Variants in TTPA observed in about 807,000 individuals in gnomAD.
The protein encoded by TTPA is alpha-tocopherol transfer protein.
TTPA carries 23 observed loss-of-function variants against 25.9 expected under a neutral mutation model. The ratio of observed to expected loss-of-function variants is 0.89; its 90% CI spans 0.64 to 1.26. The LOEUF is 1.26. TTPA is among the 50% of genes most tolerant of loss of function. The pLI, the probability that TTPA is intolerant of heterozygous loss-of-function variation, is 0.00. For synonymous variants in TTPA, 148 were observed against 137.3 expected (o/e 1.08, Z -0.54); for missense variants, 337 against 353.1 (o/e 0.95, Z 0.37).
intron 1 of TTPA, among the ~76,000 whole-genome samples, chr8:63,077,278 G>C (rs1400222033): frequency 6.6e-6 from 1 of 152,202 alleles, no homozygotes; most frequent in Non-Finnish European, 1.5e-5. Flanking sequence ...GTTTCCAACT[G>C]AGGTACCTGG....
chr8:63,081,850 G>T (rs1311654023), intron 1 of TTPA, among the ~76,000 whole-genome samples: 1 of 152,080 alleles, frequency 6.6e-6, no homozygotes, highest in Non-Finnish European at 1.5e-5. Flanking sequence ...ACCAATAACG[G>T]ACAAACAGAG....
intron 2 of TTPA, among the ~76,000 whole-genome samples, chr8:63,067,785 C>T (rs1805420348): frequency 6.6e-6 from 1 of 152,100 alleles, no homozygotes; most frequent in Non-Finnish European, 1.5e-5. Context: ...CCTCTCTTGT[C>T]ATCTCCAGTG....
chr8:63,078,600 C>T (rs749173804), intron 1 of TTPA, among the ~76,000 whole-genome samples: 1 of 151,870 alleles, frequency 6.6e-6, no homozygotes, highest in Non-Finnish European at 1.5e-5. Flanking sequence ...GATTAAAGAT[C>T]AAATTAATAA....
At chr8:63,058,432 C>T (rs966816312), downstream of TTPA, among the ~76,000 whole-genome samples, 5 of 152,094 alleles carry the variant, frequency 3.3e-5, no homozygotes, top group African/African-American at 7.2e-5. Context: ...TGTTTATTTT[C>T]TTTCAAACAA....
At chr8:63,082,542 G>A (rs895491886) in intron 1 of TTPA, among the ~76,000 whole-genome samples, 4 of 152,288 alleles carry the variant, frequency 2.6e-5, no homozygotes, top group African/African-American at 9.6e-5. Context: ...AAAAACCCTA[G>A]AAGAAAACCT....
At chr8:63,079,838 G>A (rs1417153733) in intron 1 of TTPA, among the ~76,000 whole-genome samples, 3 of 152,038 alleles carry the variant, frequency 2.0e-5, no homozygotes, top group Non-Finnish European at 4.4e-5. Flanking sequence ...CATCTACAGC[G>A]CTCTCCACCC....
At chr8:63,081,655 G>C (rs1805665655) in intron 1 of TTPA, among the ~76,000 whole-genome samples, 2 of 152,142 alleles carry the variant, frequency 1.3e-5, no homozygotes, top group Admixed American at 6.5e-5. Flanking sequence ...AATCAGGCAA[G>C]AGAAAGAAAT....
intron 1 of TTPA, among the ~76,000 whole-genome samples, chr8:63,084,842 A>G (rs569035583): frequency 6.6e-6 from 1 of 152,336 alleles, no homozygotes; most frequent in East Asian, 1.9e-4. Flanking sequence ...GTCTCTATGG[A>G]GTAGCCATTC....
rs1478270967 is a variant in TTPA, at chr8:63,081,374, G to A, written c.204+4444C>T. On this transcript the variant is annotated intron_variant, in intron 1 of 4. Coordinates refer to ENST00000260116, the MANE Select transcript of TTPA (RefSeq NM_000370.3). ...ATAAATGTAATCCATCAGATAAACA[G>A]AATCAATGACAAAAACCACATGATT... Among the ~76,000 whole-genome samples, 5 of 152,164 alleles carry A rather than the reference G, an allele frequency of 3.3e-5. No homozygotes were observed. The East Asian group carries it at 9.7e-4, about 29-fold the overall frequency.
intron 1 of TTPA, among the ~76,000 whole-genome samples, chr8:63,081,041 C>T (rs564947811): frequency 6.7e-6 from 1 of 149,602 alleles, no homozygotes; most frequent in East Asian, 2.0e-4. Flanking sequence ...GACCGATTAA[C>T]AGACAAATTC....
At chr8:63,076,439 T>C (rs1805563417) in intron 1 of TTPA, among the ~76,000 whole-genome samples, 1 of 152,084 alleles carries the variant, frequency 6.6e-6, no homozygotes, top group South Asian at 2.1e-4. Flanking sequence ...TGAAAAAAAG[T>C]TTTGCACTCT....
intron 2 of TTPA, among the ~76,000 whole-genome samples, chr8:63,069,181 CA>C (rs1463622146): frequency 3.3e-5 from 5 of 150,872 alleles, no homozygotes; most frequent in Non-Finnish European, 7.4e-5. Flanking sequence ...CAAAACAAAA[CA>C]AAAAAACAAG....
In TTPA at chr8:63,061,458, G is replaced by A. The variant is rs34766023; in HGVS notation, c.664-33C>T. 35,379 of 1,593,348 alleles carry A rather than the reference G, an allele frequency of 0.022. 536 individuals carry two copies. The highest frequency in any genetic ancestry group is 0.027 in the South Asian group (2,423 of 90,428). On this transcript the variant is annotated intron_variant, in intron 4 of 4. Transcript: ENST00000260116. Reference sequence around the variant, plus strand: ...AGCCAAAACACTTTAGAAGGAAACCGCATTAGATGCATTTCCAGTGGAAAA... The same window carrying A: ...AGCCAAAACACTTTAGAAGGAAACCACATTAGATGCATTTCCAGTGGAAAA...
rs565110654 is a variant in TTPA, at chr8:63,082,871, C to T, written c.204+2947G>A. 1.1e-3 allele frequency among the ~76,000 whole-genome samples: 166 copies of T among 152,236 alleles called. 1 individual carries two copies. Among genetic ancestry groups the T allele is most frequent in the African/African-American group, 3.9e-3 (160 of 41,536 alleles). ...CAAAAGAAGACATTTATGCAGCCAA[C>T]GGATACATGTAAAAATGCTCATCAT... On this transcript the variant is annotated intron_variant, in intron 1 of 4. Transcript: ENST00000260116.
Position 63,066,067 on chromosome 8 carries a change from T to G in TTPA, c.389A>C (p.Tyr130Ser). ...AHWDPKVFTAYDVFRVSLITS... is the reference protein window; with the variant it reads ...AHWDPKVFTASDVFRVSLITS... ...GATTAGACTTACTCGAAATACGTCATAAGCTGTAAAAACTTTGGGGTCCCA... is the reference window on the plus strand; with the variant it reads ...GATTAGACTTACTCGAAATACGTCAGAAGCTGTAAAAACTTTGGGGTCCCA... Residue 130 changes from tyrosine (Y) to serine (S), a missense_variant, in exon 3 of 5, where the codon TAT (tyrosine) becomes TCT (serine). By Grantham distance (144) the Tyr-to-Ser change is moderately radical. Transcript: ENST00000260116. 1.9e-6 allele frequency: 3 copies of G among 1,602,518 alleles called. No individual in the cohort carries two copies. Among genetic ancestry groups the G allele is most frequent in the Non-Finnish European group, 2.5e-6 (3 of 1,177,746 alleles).
chr8:63,085,902 G>A lies in TTPA; in HGVS notation c.120C>T (p.Val40=). ...ALRRRAREAG[V]PLAPLPLTDS... is the part of the protein sequence containing the mutation. ...CGGTGAGCGGCAGCGGCGCGAGCGGGACGCCAGCTTCCCGGGCCCGGCGCC... is the reference window on the plus strand; with the variant it reads ...CGGTGAGCGGCAGCGGCGCGAGCGGAACGCCAGCTTCCCGGGCCCGGCGCC... Residue 40 remains valine, a synonymous_variant, in exon 1 of 5, where the codon GTC becomes GTT. Transcript: ENST00000260116. 1 of 1,528,476 alleles carries A rather than the reference G, an allele frequency of 6.5e-7. No individual in the cohort carries two copies. Among genetic ancestry groups the A allele is most frequent in the Non-Finnish European group, 8.7e-7 (1 of 1,143,210 alleles). The allele number at this position is 1,528,476 out of a possible 1,614,324, so 94.7% of individuals were successfully genotyped here. A position where few individuals can be genotyped will look rare whatever the true frequency, so the allele number is the denominator to read the frequency against.
intron 1 of TTPA, among the ~76,000 whole-genome samples, chr8:63,075,274 G>A (rs530522586): frequency 7.9e-5 from 12 of 152,198 alleles, no homozygotes; most frequent in Non-Finnish European, 1.6e-4. Flanking sequence ...TTGTAACAGA[G>A]TAGGTTTCTT....
chr8:63,059,274 C>T (rs1365550976), downstream of TTPA, among the ~76,000 whole-genome samples: 3 of 151,324 alleles, frequency 2.0e-5, no homozygotes, highest in East Asian at 1.9e-4. Context: ...CCTCGTGATC[C>T]GCCCGCCTCG....
intron 3 of TTPA, 34 bp from the exon 4 acceptor site, chr8:63,064,350 A>G: frequency 6.9e-7 from 1 of 1,447,850 alleles, no homozygotes; most frequent in South Asian, 1.2e-5. Context: ...ATAACAAAAC[A>G]TAAATATTAC....
Sources: allele counts gnomAD v4.1 joint callset (sites outside exome capture counted in the v4.1 genomes callset), GRCh38; gene constraint gnomAD v4.1.1; transcripts MANE v1.5; gene names NCBI Gene and HGNC (gene_info 2026-07-23, HGNC 2026-07-21).